Variants in METTL15 observed in about 807,000 individuals in gnomAD.
METTL15 encodes the protein 12S rRNA N(4)-cytidine methyltransferase METTL15.
A neutral mutation model predicts 38.3 loss-of-function variants in METTL15; 34 were observed. The observed-to-expected ratio is 0.89, with a 90% CI of 0.68 to 1.18. The LOEUF (loss-of-function observed/expected upper bound fraction) is 1.18. Among genes scored for constraint, METTL15 ranks in the 50% most tolerant of loss-of-function variants. METTL15 has a pLI of 0.00. For synonymous variants in METTL15, 162 were observed against 170.9 expected (o/e 0.95, Z 0.41); for missense variants, 438 against 498.4 (o/e 0.88, Z 1.15).
chr11:28,374,834 C>G (rs957992975), intron 5 of METTL15, among the ~76,000 whole-genome samples: 4 of 150,244 alleles, frequency 2.7e-5, no homozygotes, highest in Admixed American at 1.3e-4. Flanking sequence ...TTTTGAAATA[C>G]GTCCCATCAA....
intron 6 of METTL15, among the ~76,000 whole-genome samples, chr11:28,473,710 G>A (rs116262436): frequency 7.5e-4 from 114 of 152,192 alleles, no homozygotes; most frequent in African/African-American, 1.7e-3. Context: ...ATAAAGAATG[G>A]CATTCAAGCT....
Position 28,374,457 on chromosome 11 carries a change from C to T in METTL15, c.*358+12421C>T, listed in dbSNP as rs887468251. ...GAATGGGAGTTCACTCATGATTTCG[C>T]TCTCTGTTTGTCTGTTGTTGGTGTA... On this transcript the variant is annotated intron_variant and NMD_transcript_variant, in intron 5 of 7. Transcript: ENST00000532947. Among the ~76,000 whole-genome samples, 20 of 146,808 alleles carry T rather than the reference C, an allele frequency of 1.4e-4. 1 individual carries two copies. The highest frequency in any genetic ancestry group is 2.4e-4 in the Non-Finnish European group (16 of 66,078).
chr11:28,459,109 G>A (rs1173727770), intron 6 of METTL15, among the ~76,000 whole-genome samples: 1 of 152,056 alleles, frequency 6.6e-6, no homozygotes, highest in Non-Finnish European at 1.5e-5. Flanking sequence ...CCTGACATCA[G>A]GAGAAATGGA....
chr11:28,191,695 G>A (rs1565154461), intron 3 of METTL15, among the ~76,000 whole-genome samples: 1 of 151,504 alleles, frequency 6.6e-6, no homozygotes, highest in Admixed American at 6.6e-5. Context: ...AATATTTTAA[G>A]AAGTAACCAA....
intron 6 of METTL15, among the ~76,000 whole-genome samples, chr11:28,464,667 C>G (rs1163562412): frequency 1.3e-5 from 2 of 152,184 alleles, no homozygotes; most frequent in Non-Finnish European, 2.9e-5. Context: ...TTCTGTTCCT[C>G]AAATGCTGTC....
intron 6 of METTL15, among the ~76,000 whole-genome samples, chr11:28,299,651 G>A (rs1348279692): frequency 6.6e-6 from 1 of 152,022 alleles, no homozygotes; most frequent in African/African-American, 2.4e-5. Flanking sequence ...TAAATCAAGA[G>A]GTACTACATA....
intron 4 of METTL15, among the ~76,000 whole-genome samples, chr11:28,247,888 A>G (rs1204023823): frequency 5.9e-5 from 9 of 152,130 alleles, no homozygotes. Context: ...GTTGTTGAGT[A>G]GCTTATTTTA....
At chr11:28,388,178 T>A (rs534310489) in intron 5 of METTL15, among the ~76,000 whole-genome samples, 2 of 152,218 alleles carry the variant, frequency 1.3e-5, no homozygotes, top group Non-Finnish European at 2.9e-5. Flanking sequence ...CTCTCACTGC[T>A]TCTATTCAAT....
chr11:28,329,300 A>G (rs138446053), intron 6 of METTL15, among the ~76,000 whole-genome samples: 110 of 151,930 alleles, frequency 7.2e-4, no homozygotes, highest in African/African-American at 2.4e-3. Flanking sequence ...ATTACATTCT[A>G]TTTTTCTCTA....
intron 4 of METTL15, among the ~76,000 whole-genome samples, chr11:28,237,876 C>A (rs1033334075): frequency 1.3e-5 from 2 of 152,146 alleles, no homozygotes; most frequent in Non-Finnish European, 2.9e-5. Flanking sequence ...CACTCCAGAC[C>A]CTGTTTGCCT....
intron 6 of METTL15, among the ~76,000 whole-genome samples, chr11:28,491,133 C>T (rs1851491113): frequency 6.6e-6 from 1 of 152,094 alleles, no homozygotes; most frequent in Admixed American, 6.6e-5. Flanking sequence ...ACAGCTGAGA[C>T]TTGCCTTAAA....
chr11:28,349,648 G>A (rs1850025472), intron 3 of METTL15, among the ~76,000 whole-genome samples: 1 of 151,990 alleles, frequency 6.6e-6, no homozygotes, highest in South Asian at 2.1e-4. Flanking sequence ...TATTTTAATT[G>A]CAGAAAGAAT....
chr11:28,417,815 A>G (rs572140110), intron 5 of METTL15, among the ~76,000 whole-genome samples: 58 of 152,316 alleles, frequency 3.8e-4, no homozygotes, highest in African/African-American at 1.3e-3. Context: ...TCAACTATCT[A>G]TCTGGAACAT....
intron 6 of METTL15, among the ~76,000 whole-genome samples, chr11:28,459,910 G>A (rs1342546360): frequency 6.6e-6 from 1 of 152,024 alleles, no homozygotes; most frequent in East Asian, 1.9e-4. Flanking sequence ...TTCTGTTGGT[G>A]TTAATTTCTG....
At chr11:28,272,832 T>TG (rs1855699799) in intron 4 of METTL15, among the ~76,000 whole-genome samples, 1 of 152,206 alleles carries the variant, frequency 6.6e-6, no homozygotes, top group Admixed American at 6.5e-5. Context: ...AGGAATACTT[T>TG]GACTTCATGG....
intron 5 of METTL15, among the ~76,000 whole-genome samples, chr11:28,421,461 C>T (rs1850819725): frequency 6.6e-6 from 1 of 151,990 alleles, no homozygotes; most frequent in African/African-American, 2.4e-5. Flanking sequence ...AAATCGTCAA[C>T]AGTATACAAG....
intron 4 of METTL15, among the ~76,000 whole-genome samples, chr11:28,223,757 A>G (rs968922881): frequency 7.9e-5 from 12 of 152,120 alleles, no homozygotes; most frequent in African/African-American, 2.7e-4. Context: ...AAAAGATGAC[A>G]TGTCAGATCA....
At chr11:28,148,262 C>A (rs1010329317) in intron 3 of METTL15, among the ~76,000 whole-genome samples, 6 of 151,866 alleles carry the variant, frequency 4.0e-5, no homozygotes, top group African/African-American at 1.4e-4. Flanking sequence ...GGAAAGAAAT[C>A]AATTTTTCTT....
At chr11:28,407,474 AC>A (rs1386888209) in intron 5 of METTL15, among the ~76,000 whole-genome samples, 7 of 152,178 alleles carry the variant, frequency 4.6e-5, no homozygotes, top group African/African-American at 1.7e-4. Context: ...AAGAAAAAAA[AC>A]AACCCCTTTA....
Sources: gnomAD v4.1 joint callset for allele counts (sites outside exome capture counted in the v4.1 genomes callset) on GRCh38, gnomAD v4.1.1 for gene constraint, MANE v1.5 for transcripts, NCBI Gene and HGNC (gene_info 2026-07-23, HGNC 2026-07-21) for gene names.